Variants in DENND11 observed in about 807,000 individuals in gnomAD.
DENND11 encodes the protein DENN domain-containing protein 11.
A neutral mutation model predicts 49.2 loss-of-function variants in DENND11; 34 were observed. The ratio of observed to expected loss-of-function variants is 0.69; its 90% confidence interval spans 0.53 to 0.92. The LOEUF (loss-of-function observed/expected upper bound fraction) is 0.92, where lower values mean the gene tolerates loss of function less well. Ranked by LOEUF, DENND11 falls within the 40% of genes least tolerant of loss-of-function variation. The probability of loss-of-function intolerance (pLI) is 0.00; values close to 1 mark genes in which losing one functional copy is unlikely to be tolerated. For synonymous variants in DENND11, 238 were observed against 230.3 expected, an observed-to-expected ratio of 1.03 and a Z score of -0.30; for missense variants, 475 against 581.6, an observed-to-expected ratio of 0.82 and a Z score of 1.88.
At chr7:141,675,029 C>G (rs1798043672) in intron 3 of DENND11, among the ~76,000 whole-genome samples, 1 of 152,198 alleles carries the variant, frequency 6.6e-6, no homozygotes, top group Non-Finnish European at 1.5e-5. Flanking sequence ...GCCCCAGCAC[C>G]TCACTCAGAA....
chr7:141,662,704 G>A lies in DENND11; in HGVS notation c.1320C>T (p.Ala440=). The A allele has an allele frequency of 6.2e-7, 1 of 1,609,160 alleles. No individual in the cohort carries two copies. ...TAACCAGCATGACATCAATGCCATA[G>A]GCCTCCAGCAGGTCCAGGAGAAAGC... ...DRSFLLDLLE[A]YGIDVMLVID... Residue 440 remains alanine, a synonymous_variant, in exon 9 of 9, where the codon GCC becomes GCT. Transcript: ENST00000536163.
chr7:141,674,283 T>C (rs1798032375), intron 3 of DENND11, 63 bp from the exon 4 acceptor site: 1 of 1,467,846 alleles, frequency 6.8e-7, no homozygotes, highest in African/African-American at 1.5e-5. Context: ...TGGTCACAGC[T>C]CTGCTACCAC....
At chr7:141,680,747 G>A (rs1462657799) in intron 3 of DENND11, among the ~76,000 whole-genome samples, 3 of 151,968 alleles carry the variant, frequency 2.0e-5, no homozygotes, top group Middle Eastern at 3.4e-3. Context: ...CAATGTAATG[G>A]GGAGACAGCT....
At chr7:141,689,767 C>T (rs1180395812) in intron 1 of DENND11, among the ~76,000 whole-genome samples, 5 of 152,194 alleles carry the variant, frequency 3.3e-5, no homozygotes, top group Admixed American at 2.0e-4. Context: ...CATGAATTAG[C>T]TTAGCCTCTT....
At chr7:141,699,916 T>TCACACACACACA (rs145606748) in intron 1 of DENND11, among the ~76,000 whole-genome samples, 73 of 146,888 alleles carry the variant, frequency 5.0e-4, no homozygotes, top group Middle Eastern at 7.0e-3. Flanking sequence ...AAACCATCAC[T>TCACACACACACA]CACACACACA....
At chr7:141,675,604 T>C (rs1562999014) in intron 3 of DENND11, among the ~76,000 whole-genome samples, 1 of 152,176 alleles carries the variant, frequency 6.6e-6, no homozygotes, top group Non-Finnish European at 1.5e-5. Flanking sequence ...CACTCCCCGC[T>C]GCCACACCGC....
Position 141,662,583 on chromosome 7 carries a change from C to T in DENND11, c.*73G>A. The T allele has an allele frequency of 8.7e-7, 1 of 1,144,880 alleles. No homozygotes were observed. The highest frequency in any genetic ancestry group is 1.2e-6 in the Non-Finnish European group (1 of 841,362). The allele number at this position is 1,144,880 out of a possible 1,614,324, so 70.9% of individuals were successfully genotyped here. ...TGTCAACTTAATAAAAAATGAGGCC[C>T]TCTGGGGCCCTGGGGTGAACTCCGG... is the stretch of plus-strand genomic sequence containing the variant. On this transcript the variant is annotated 3_prime_UTR_variant, in exon 9 of 9. Coordinates refer to ENST00000536163, the MANE Select transcript of DENND11 (RefSeq NM_001080392.2).
chr7:141,678,033 G>A (rs1366250047), intron 3 of DENND11, among the ~76,000 whole-genome samples: 2 of 151,610 alleles, frequency 1.3e-5, no homozygotes, highest in Non-Finnish European at 2.9e-5. Context: ...TGCAATCTCA[G>A]CTCACCGCAA....
At chr7:141,685,280 C>G (rs372970916) in intron 3 of DENND11, among the ~76,000 whole-genome samples, 198 bp downstream of exon 3, 5 of 152,048 alleles carry the variant, frequency 3.3e-5, no homozygotes, top group Non-Finnish European at 7.4e-5. Flanking sequence ...CCCCAGCTTT[C>G]ATTATAGAGT....
At chr7:141,690,221 C>T (rs1183057153) in intron 1 of DENND11, among the ~76,000 whole-genome samples, 1 of 152,186 alleles carries the variant, frequency 6.6e-6, no homozygotes, top group Non-Finnish European at 1.5e-5. Flanking sequence ...GCCACCATCC[C>T]TTGATCTTCC....
intron 1 of DENND11, among the ~76,000 whole-genome samples, chr7:141,688,568 A>G (rs1798279722): frequency 6.6e-6 from 1 of 152,244 alleles, no homozygotes. Context: ...TATGTTTGTC[A>G]GGGTCAAAGA....
intron 3 of DENND11, among the ~76,000 whole-genome samples, chr7:141,684,179 G>A (rs977776076): frequency 4.6e-5 from 7 of 152,062 alleles, no homozygotes; most frequent in African/African-American, 1.7e-4. Flanking sequence ...CTCCTAAATT[G>A]ATCCTCCTTG....
At position 141,662,557 on chromosome 7, in the gene DENND11, G is replaced by T; in HGVS notation, c.*99C>A. On this transcript the variant is annotated 3_prime_UTR_variant, in exon 9 of 9. Coordinates refer to ENST00000536163, the MANE Select transcript of DENND11 (RefSeq NM_001080392.2). ...TGGAAAGTATAAACAATATTCCTTT[G>T]TGTCAACTTAATAAAAAATGAGGCC... 1 of 756,652 alleles carries T rather than the reference G, an allele frequency of 1.3e-6. No homozygotes were observed. The highest frequency in any genetic ancestry group is 2.0e-6 in the Non-Finnish European group (1 of 505,624). The allele number at this position is 756,652 out of a possible 1,614,324, so 46.9% of individuals were successfully genotyped here.
At chr7:141,665,599 GCCTCTGTAA>G (rs946729955) in intron 5 of DENND11, among the ~76,000 whole-genome samples, 1 of 152,018 alleles carries the variant, frequency 6.6e-6, no homozygotes, top group African/African-American at 2.4e-5. Context: ...CAGAACTCCG[GCCTCTGTAA>G]CCCTTGTGTC....
rs1347792442 is a variant in DENND11 at position 141,658,524 on chromosome 7, G to C, written c.*4132C>G. Reference sequence around the variant, plus strand: ...GGCAGAATCCAAGCCTACTAGCTTGGGATCTACTAGGGAGATAAAAGCCCA... The same window carrying C: ...GGCAGAATCCAAGCCTACTAGCTTGCGATCTACTAGGGAGATAAAAGCCCA... On this transcript the variant is annotated 3_prime_UTR_variant, in exon 9 of 9. Coordinates refer to ENST00000536163, the MANE Select transcript of DENND11 (RefSeq NM_001080392.2). 1 of 152,160 alleles carries C rather than the reference G, an allele frequency of 6.6e-6. No individual in the cohort carries two copies. The highest frequency in any genetic ancestry group is 1.9e-4 in the East Asian group (1 of 5,186). 9.4% of individuals were successfully genotyped at this position (152,160 alleles called of 1,614,324 possible).
At chr7:141,692,665 C>T (rs979693893) in intron 1 of DENND11, among the ~76,000 whole-genome samples, 27 of 152,038 alleles carry the variant, frequency 1.8e-4, no homozygotes, top group African/African-American at 6.5e-4. Flanking sequence ...CATAGCGAGA[C>T]CCTGTCTCTA....
intron 1 of DENND11, among the ~76,000 whole-genome samples, chr7:141,691,134 T>C (rs1798321670): frequency 6.6e-6 from 1 of 152,252 alleles, no homozygotes; most frequent in African/African-American, 2.4e-5. Flanking sequence ...GAGTGAATTC[T>C]GGTCAGTGTC....
chr7:141,685,899 T>C (rs1798235065), intron 2 of DENND11, among the ~76,000 whole-genome samples: 1 of 152,156 alleles, frequency 6.6e-6, no homozygotes, highest in African/African-American at 2.4e-5. Flanking sequence ...ATCTCTTCTC[T>C]CCTGCACCAC....
intron 1 of DENND11, among the ~76,000 whole-genome samples, chr7:141,695,611 T>C (rs549238355): frequency 6.6e-6 from 1 of 152,354 alleles, no homozygotes; most frequent in South Asian, 2.1e-4. Context: ...CCAGGCTCAG[T>C]CTTCACATTC....
Sources: gnomAD v4.1 joint callset for allele counts (sites outside exome capture counted in the v4.1 genomes callset) on GRCh38, gnomAD v4.1.1 for gene constraint, MANE v1.5 for transcripts, NCBI Gene and HGNC (gene_info 2026-07-23, HGNC 2026-07-21) for gene names.